Variants in KALRN observed in about 807,000 individuals in gnomAD.
KALRN encodes the protein kalirin.
A neutral mutation model predicts 353.7 loss-of-function variants in KALRN; 70 were observed. The ratio of observed to expected loss-of-function variants is 0.20; its 90% confidence interval spans 0.16 to 0.24. The LOEUF is 0.24. Ranked by LOEUF, KALRN falls within the 10% of genes least tolerant of loss-of-function variation. The pLI, the probability that KALRN is intolerant of heterozygous loss-of-function variation, is 1.00. For synonymous variants in KALRN, 1,391 were observed against 1,434.8 expected, an observed-to-expected ratio of 0.97 and a Z score of 0.69; for missense variants, 2,791 against 3,756.7, an observed-to-expected ratio of 0.74 and a Z score of 6.72.
At chr3:124,602,807 C>T (rs2076938952) in intron 34 of KALRN, among the ~76,000 whole-genome samples, 1 of 152,136 alleles carries the variant, frequency 6.6e-6, no homozygotes, top group Non-Finnish European at 1.5e-5. Context: ...GGGAGTCAGC[C>T]TATATGTTTC....
At chr3:124,218,462 T>C (rs2077560641) in intron 1 of KALRN, among the ~76,000 whole-genome samples, 1 of 152,186 alleles carries the variant, frequency 6.6e-6, no homozygotes, top group African/African-American at 2.4e-5. Context: ...AGTTGGATCA[T>C]AATAATCACT....
chr3:124,671,171 T>G (rs1016745014), intron 47 of KALRN, among the ~76,000 whole-genome samples: 1 of 152,256 alleles, frequency 6.6e-6, no homozygotes, highest in African/African-American at 2.4e-5. Flanking sequence ...GCTTTAAAGT[T>G]CATTCCATCC....
At chr3:124,302,298 C>T (rs1170972905) in intron 6 of KALRN, among the ~76,000 whole-genome samples, 4 of 152,016 alleles carry the variant, frequency 2.6e-5, no homozygotes, top group Admixed American at 1.3e-4. Context: ...TAATTACAAA[C>T]CAATAAGTCT....
chr3:124,503,923 A>G (rs959407254), intron 33 of KALRN, among the ~76,000 whole-genome samples: 3 of 152,214 alleles, frequency 2.0e-5, no homozygotes, highest in African/African-American at 4.8e-5. Flanking sequence ...TTTATATTCC[A>G]TAGCTTAAAA....
At chr3:124,069,612 A>G (rs957932617) in intron 1 of KALRN, among the ~76,000 whole-genome samples, 1 of 152,220 alleles carries the variant, frequency 6.6e-6, no homozygotes, top group African/African-American at 2.4e-5. Context: ...GTAGTAAAGT[A>G]AGAGAGTCCT....
intron 33 of KALRN, among the ~76,000 whole-genome samples, chr3:124,534,117 G>A (rs1318308480): frequency 2.0e-5 from 3 of 152,188 alleles, no homozygotes; most frequent in East Asian, 3.9e-4. Flanking sequence ...CAAAAGCAAG[G>A]AAATCTTGAA....
chr3:124,044,482 T>C (rs939133094), intron 1 of KALRN, among the ~76,000 whole-genome samples: 3 of 151,996 alleles, frequency 2.0e-5, no homozygotes, highest in Admixed American at 6.6e-5. Flanking sequence ...TGCCTTTCAG[T>C]GGGCACCTGT....
At chr3:124,206,884 A>G (rs1217222519) in intron 1 of KALRN, among the ~76,000 whole-genome samples, 1 of 152,248 alleles carries the variant, frequency 6.6e-6, no homozygotes, top group Non-Finnish European at 1.5e-5. Context: ...TGCCTCAGAC[A>G]GTCTTCTGTG....
intron 1 of KALRN, among the ~76,000 whole-genome samples, chr3:124,178,117 T>C (rs2073039147): frequency 6.6e-6 from 1 of 152,190 alleles, no homozygotes; most frequent in Non-Finnish European, 1.5e-5. Context: ...ATCTACAACA[T>C]ACCTCTTTAC....
At position 124,719,496 on chromosome 3, in the gene KALRN, C is replaced by T. The variant is rs1366565930; in HGVS notation, c.*26C>T. 2 of 1,592,426 alleles carry T rather than the reference C, an allele frequency of 1.3e-6. No homozygotes were observed. Among genetic ancestry groups the T allele is most frequent in the Non-Finnish European group, 1.7e-6 (2 of 1,166,338 alleles). ...CCATCTCCCAGCCCCTATGGTTTCA[C>T]ATAGACGTGCAGTGTGAACCAAAGC... On this transcript the variant is annotated 3_prime_UTR_variant, in exon 60 of 60. Transcript: ENST00000682506. The surrounding 1 kb of genome is among the most constrained non-coding windows in gnomAD (Gnocchi z 5.3).
intron 10 of KALRN, among the ~76,000 whole-genome samples, chr3:124,383,751 G>A (rs181248021): frequency 6.6e-6 from 1 of 152,232 alleles, no homozygotes; most frequent in East Asian, 1.9e-4. Context: ...TGAGTGGGGG[G>A]CACAGTTCAG....
intron 1 of KALRN, among the ~76,000 whole-genome samples, chr3:124,149,638 C>T (rs1187881072): frequency 1.3e-5 from 2 of 152,280 alleles, no homozygotes; most frequent in East Asian, 3.9e-4. Context: ...TTTAAAGAGT[C>T]TCTTAGTTGT....
chr3:124,351,627 T>C (rs1025287103), intron 10 of KALRN, among the ~76,000 whole-genome samples: 22 of 152,132 alleles, frequency 1.4e-4, no homozygotes, highest in African/African-American at 5.3e-4. Context: ...CCTGAACAAA[T>C]ACATTTCCAC....
At chr3:124,646,491 A>G (rs1218917526) in intron 37 of KALRN, among the ~76,000 whole-genome samples, 7 of 149,270 alleles carry the variant, frequency 4.7e-5, no homozygotes, top group Non-Finnish European at 8.9e-5. Context: ...CCCAGGTCCA[A>G]GTGATTCTCC....
intron 10 of KALRN, among the ~76,000 whole-genome samples, chr3:124,367,000 G>C (rs1434591362): frequency 1.4e-5 from 2 of 140,380 alleles, no homozygotes; most frequent in Non-Finnish European, 3.1e-5. Flanking sequence ...GCGGCTGGCC[G>C]GGTTGGGGGG....
At chr3:124,322,393 C>T (rs2079428103) in intron 6 of KALRN, among the ~76,000 whole-genome samples, 1 of 152,228 alleles carries the variant, frequency 6.6e-6, no homozygotes, top group African/African-American at 2.4e-5. Flanking sequence ...GACCAAAACT[C>T]ATGACTCTTG....
chr3:124,623,212 T>C (rs1025104399), intron 34 of KALRN, among the ~76,000 whole-genome samples: 3 of 151,654 alleles, frequency 2.0e-5, no homozygotes, highest in Non-Finnish European at 4.4e-5. Context: ...CTCAAACTCC[T>C]GGGCTCAAGC....
At chr3:124,406,344 A>G (rs898430748) in intron 13 of KALRN, among the ~76,000 whole-genome samples, 5 of 152,242 alleles carry the variant, frequency 3.3e-5, no homozygotes, top group African/African-American at 9.6e-5. Flanking sequence ...TCAACATTAT[A>G]TTGGACAAGA....
chr3:124,421,609 A>G (rs1455380778), intron 14 of KALRN, among the ~76,000 whole-genome samples: 1 of 152,208 alleles, frequency 6.6e-6, no homozygotes, highest in Admixed American at 6.5e-5. Context: ...ATTCCAGCTC[A>G]GGACTGTTCC....
Sources: allele counts gnomAD v4.1 joint callset (sites outside exome capture counted in the v4.1 genomes callset), GRCh38; gene constraint gnomAD v4.1.1; non-coding constraint Gnocchi (gnomAD v3.1); transcripts MANE v1.5; gene names NCBI Gene and HGNC (gene_info 2026-07-23, HGNC 2026-07-21).